The following NEURL1 variants were observed in gnomAD, a reference collection of about 807,000 sequenced individuals.
NEURL1 encodes E3 ubiquitin-protein ligase NEURL1.
A neutral mutation model predicts 41.2 loss-of-function variants in NEURL1; 26 were observed. That is an observed-to-expected ratio of 0.63 (90% CI 0.46 to 0.87). The LOEUF is 0.87. Among genes scored for constraint, NEURL1 ranks in the 40% least tolerant of loss-of-function variants. The pLI is 0.00. For synonymous variants in NEURL1, 400 were observed against 402.3 expected (o/e 0.99, Z 0.07); for missense variants, 761 against 871.1 (o/e 0.87, Z 1.59).
Position 103,571,674 on chromosome 10 carries a change from C to A in NEURL1, c.501C>A (p.Ile167=). 1 of 1,614,240 alleles carries A rather than the reference C, an allele frequency of 6.2e-7. No homozygotes were observed. The change falls in exon 3 of 6, where the codon ATC becomes ATA. Residue 167 remains isoleucine, a synonymous_variant. Coordinates refer to ENST00000369780, the MANE Select transcript of NEURL1 (RefSeq NM_004210.5). ...AGGAGTTTGCCAATGAGGGCAACAT[C>A]ATCGCATTCTGGGTGGACAAGAAGG... ...LPEEFANEGN[I]IAFWVDKKGR... is the part of the protein sequence containing the mutation.
At chr10:103,536,667 G>C (rs1269794491) in intron 1 of NEURL1, among the ~76,000 whole-genome samples, 1 of 152,108 alleles carries the variant, frequency 6.6e-6, no homozygotes, top group Admixed American at 6.6e-5. Flanking sequence ...TCCCGAGTGT[G>C]ATAGCATTTT....
chr10:103,571,146 C>A, intron 2 of NEURL1, 33 bp downstream of exon 2: 1 of 1,599,868 alleles, frequency 6.3e-7, no homozygotes, highest in Non-Finnish European at 8.5e-7. Flanking sequence ...CCCCCGCCTC[C>A]TGCTTCCTGC....
intron 4 of NEURL1, chr10:103,588,640 C>T (rs954465702): frequency 1.9e-5 from 7 of 370,988 alleles, no homozygotes; most frequent in Middle Eastern, 9.3e-4. Flanking sequence ...AAGAGGGAGG[C>T]GAGGATTGTT....
intron 3 of NEURL1, among the ~76,000 whole-genome samples, chr10:103,574,849 T>C (rs549150810): frequency 6.6e-6 from 1 of 152,176 alleles, no homozygotes; most frequent in African/African-American, 2.4e-5. Flanking sequence ...GGCTCCTCTC[T>C]GCACACCCGA....
chr10:103,523,729 T>A (rs77830264), intron 1 of NEURL1, among the ~76,000 whole-genome samples: 1,975 of 152,302 alleles, frequency 0.013, 35 homozygotes, highest in African/African-American at 0.044. Flanking sequence ...TATTTCAATA[T>A]CGTAATGTCC....
At position 103,522,406 on chromosome 10, in the gene NEURL1, G is replaced by A. The variant is rs185707585; in HGVS notation, c.85+27934G>A. On this transcript the variant is annotated intron_variant, in intron 1 of 5. Transcript: ENST00000369780. Reference sequence around the variant, plus strand: ...GCGGGTCACCTGAGGTTGGGAGTTCGAGACCAGCCTGACCAACGTGAAGAA... The same window carrying A: ...GCGGGTCACCTGAGGTTGGGAGTTCAAGACCAGCCTGACCAACGTGAAGAA... Among the ~76,000 whole-genome samples the A allele has an allele frequency of 2.6e-3, 391 of 151,460 alleles. 2 individuals carry two copies. The highest frequency in any genetic ancestry group is 0.01 in the Middle Eastern group (3 of 294).
intron 1 of NEURL1, among the ~76,000 whole-genome samples, chr10:103,517,910 C>A (rs1481274155): frequency 6.6e-6 from 1 of 152,228 alleles, no homozygotes; most frequent in East Asian, 1.9e-4. Context: ...TCCCGTGGGC[C>A]TCACCGCAGT....
chr10:103,530,914 A>G (rs2034557404), intron 1 of NEURL1, among the ~76,000 whole-genome samples: 1 of 151,950 alleles, frequency 6.6e-6, no homozygotes, highest in South Asian at 2.1e-4. Flanking sequence ...ACAATGTTCT[A>G]TGTGCTGATA....
chr10:103,507,703 C>T (rs1489848376), intron 1 of NEURL1, among the ~76,000 whole-genome samples: 1 of 152,186 alleles, frequency 6.6e-6, no homozygotes, highest in Non-Finnish European at 1.5e-5. Context: ...AGGCTCTGAG[C>T]TGTGGTTCCA....
chr10:103,509,625 A>G (rs2034025721), intron 1 of NEURL1, among the ~76,000 whole-genome samples: 1 of 152,198 alleles, frequency 6.6e-6, no homozygotes, highest in African/African-American at 2.4e-5. Flanking sequence ...GTGATCTGTC[A>G]TTGAACGAAA....
chr10:103,511,439 G>C (rs2133849640), intron 1 of NEURL1, among the ~76,000 whole-genome samples: 1 of 152,294 alleles, frequency 6.6e-6, no homozygotes, highest in South Asian at 2.1e-4. Flanking sequence ...GAGGGGACCT[G>C]GGGTGCAAGG....
Position 103,494,201 on chromosome 10 carries a change from A to C in NEURL1, c.-187A>C. 4 of 508,190 alleles carry C rather than the reference A, an allele frequency of 7.9e-6. No individual in the cohort carries two copies. Among genetic ancestry groups the C allele is most frequent in the East Asian group, 3.6e-5 (1 of 27,560 alleles). The allele number at this position is 508,190 out of a possible 1,614,324, so 31.5% of individuals were successfully genotyped here. On this transcript the variant is annotated 5_prime_UTR_variant, in exon 1 of 6. Transcript: ENST00000369780. Reference sequence around the variant, plus strand: ...CGCCAGGACACCCGTGGCGGGCGGAACCCGCCAAGGACCGCGAAGTCCAGA... The same window carrying C: ...CGCCAGGACACCCGTGGCGGGCGGACCCCGCCAAGGACCGCGAAGTCCAGA...
chr10:103,521,290 A>G (rs1018568022), intron 1 of NEURL1, among the ~76,000 whole-genome samples: 2 of 152,206 alleles, frequency 1.3e-5, no homozygotes, highest in Admixed American at 1.3e-4. Context: ...CCGAGGAATT[A>G]TGTCTGACAG....
intron 1 of NEURL1, among the ~76,000 whole-genome samples, chr10:103,557,083 C>G (rs117791930): frequency 1.5e-3 from 222 of 152,244 alleles, no homozygotes; most frequent in Admixed American, 3.0e-3. Context: ...TCTTCCCGAG[C>G]CTCAGTTTTC....
At chr10:103,533,195 G>A (rs1424137728) in intron 1 of NEURL1, among the ~76,000 whole-genome samples, 1 of 151,786 alleles carries the variant, frequency 6.6e-6, no homozygotes, top group East Asian at 1.9e-4. Flanking sequence ...TCAAGGTGCT[G>A]GGATTACAAG....
chr10:103,516,725 C>T (rs1357537110), intron 1 of NEURL1, among the ~76,000 whole-genome samples: 1 of 152,118 alleles, frequency 6.6e-6, no homozygotes, highest in Non-Finnish European at 1.5e-5. Context: ...TAAGGGCCTA[C>T]GAATTGCCTG....
chr10:103,506,134 G>A (rs1458731789), intron 1 of NEURL1, among the ~76,000 whole-genome samples: 1 of 152,182 alleles, frequency 6.6e-6, no homozygotes, highest in Non-Finnish European at 1.5e-5. Flanking sequence ...TGACAGGCGA[G>A]GTTGCTAGGA....
intron 1 of NEURL1, among the ~76,000 whole-genome samples, chr10:103,527,868 A>G (rs2034492854): frequency 1.3e-5 from 2 of 152,164 alleles, no homozygotes; most frequent in South Asian, 4.1e-4. Context: ...AGGGGTGATG[A>G]TATTTCTATC....
At chr10:103,559,919 GCA>G (rs2035249957) in intron 1 of NEURL1, among the ~76,000 whole-genome samples, 1 of 151,078 alleles carries the variant, frequency 6.6e-6, no homozygotes, top group Non-Finnish European at 1.5e-5. Context: ...ACACACACAT[GCA>G]CACACATATT....
Sources: gnomAD v4.1 joint callset for allele counts (sites outside exome capture counted in the v4.1 genomes callset) on GRCh38, gnomAD v4.1.1 for gene constraint, MANE v1.5 for transcripts, NCBI Gene and HGNC (gene_info 2026-07-23, HGNC 2026-07-21) for gene names.